Variants in SEMA3E observed in about 807,000 individuals in gnomAD.
The protein encoded by SEMA3E is semaphorin-3E.
In SEMA3E, 49 loss-of-function variants were observed where a neutral mutation model predicts 93.6. That is an observed-to-expected ratio of 0.52 (90% CI 0.42 to 0.66). The LOEUF is 0.66. SEMA3E is among the 30% of genes least tolerant of loss of function. The pLI is 0.00. For synonymous variants in SEMA3E, 363 were observed against 330.7 expected, an observed-to-expected ratio of 1.10 and a Z score of -1.06; for missense variants, 906 against 964.8, an observed-to-expected ratio of 0.94 and a Z score of 0.81.
intron 2 of SEMA3E, among the ~76,000 whole-genome samples, chr7:83,487,682 CGTGTGTGTGT>C (rs71074667): frequency 4.1e-4 from 59 of 144,418 alleles, no homozygotes; most frequent in African/African-American, 1.4e-3. Context: ...GGCAGGAGGT[CGTGTGTGTGT>C]GTGTGTGTGT....
At chr7:83,481,395 G>GT (rs996955980) in intron 2 of SEMA3E, among the ~76,000 whole-genome samples, 123 of 151,658 alleles carry the variant, frequency 8.1e-4, no homozygotes, top group Non-Finnish European at 1.5e-3. Flanking sequence ...ACAAAAACAC[G>GT]TTTTTTTTCA....
intron 1 of SEMA3E, among the ~76,000 whole-genome samples, chr7:83,580,051 A>G (rs1792488078): frequency 6.6e-6 from 1 of 152,062 alleles, no homozygotes; most frequent in African/African-American, 2.4e-5. Flanking sequence ...TTATGTGTCA[A>G]TTCCATTAGA....
intron 11 of SEMA3E, among the ~76,000 whole-genome samples, chr7:83,398,029 A>C (rs7777731): frequency 1.4e-4 from 22 of 152,144 alleles, no homozygotes; most frequent in Non-Finnish European, 1.5e-5. Flanking sequence ...TATTGTATTA[A>C]AGCCGGTGTC....
chr7:83,404,392 A>T (rs997623883), intron 9 of SEMA3E, among the ~76,000 whole-genome samples: 2 of 151,958 alleles, frequency 1.3e-5, no homozygotes, highest in African/African-American at 4.8e-5. Context: ...ATACATAATT[A>T]TATGACAGTT....
At chr7:83,370,535 A>T (rs1562748301) in intron 16 of SEMA3E, among the ~76,000 whole-genome samples, 1 of 151,560 alleles carries the variant, frequency 6.6e-6, no homozygotes, top group Admixed American at 6.6e-5. Context: ...CTCATGACAA[A>T]CTCTCCAAAT....
chr7:83,432,514 T>C (rs2115750127), intron 4 of SEMA3E, among the ~76,000 whole-genome samples: 1 of 152,276 alleles, frequency 6.6e-6, no homozygotes, highest in East Asian at 1.9e-4. Context: ...GCAATAACTG[T>C]CAAAGGTCTT....
chr7:83,629,878 G>T (rs1261805962), intron 1 of SEMA3E, among the ~76,000 whole-genome samples: 1 of 152,144 alleles, frequency 6.6e-6, no homozygotes, highest in East Asian at 1.9e-4. Flanking sequence ...TGCCCACACA[G>T]CCACCCAGCT....
At chr7:83,610,511 A>G (rs1312608151) in intron 1 of SEMA3E, among the ~76,000 whole-genome samples, 1 of 152,094 alleles carries the variant, frequency 6.6e-6, no homozygotes, top group East Asian at 1.9e-4. Context: ...ATTAATCTAA[A>G]TGCTGCTCTG....
At chr7:83,426,293 T>G (rs979683852) in intron 4 of SEMA3E, among the ~76,000 whole-genome samples, 1 of 152,114 alleles carries the variant, frequency 6.6e-6, no homozygotes, top group Non-Finnish European at 1.5e-5. Flanking sequence ...CATTGCAGCA[T>G]TATTCACCAT....
intron 4 of SEMA3E, among the ~76,000 whole-genome samples, chr7:83,448,690 A>G (rs542339171): frequency 6.6e-6 from 1 of 152,344 alleles, no homozygotes; most frequent in East Asian, 1.9e-4. Flanking sequence ...TGAAAACCGA[A>G]TCTGATAACA....
At chr7:83,523,231 T>C (rs896958616) in intron 1 of SEMA3E, among the ~76,000 whole-genome samples, 2 of 152,094 alleles carry the variant, frequency 1.3e-5, no homozygotes, top group African/African-American at 4.8e-5. Context: ...GAGGTTTGCC[T>C]TCCATCTTCC....
At chr7:83,379,031 C>T (rs1200656509) in intron 16 of SEMA3E, among the ~76,000 whole-genome samples, 4 of 151,490 alleles carry the variant, frequency 2.6e-5, no homozygotes, top group Admixed American at 6.6e-5. Context: ...ATAAAGAAAA[C>T]GTGGCATATA....
chr7:83,626,907 C>T (rs1238048331), intron 1 of SEMA3E, among the ~76,000 whole-genome samples: 1 of 152,126 alleles, frequency 6.6e-6, no homozygotes, highest in Admixed American at 6.6e-5. Context: ...TAAGTTTTGT[C>T]TTTCTTCTCA....
intron 1 of SEMA3E, among the ~76,000 whole-genome samples, chr7:83,510,103 C>A (rs1790786319): frequency 6.6e-6 from 1 of 152,118 alleles, no homozygotes; most frequent in Admixed American, 6.6e-5. Context: ...TCCTCACATT[C>A]TTGAGTATTA....
intron 1 of SEMA3E, among the ~76,000 whole-genome samples, chr7:83,523,573 C>G (rs1244768089): frequency 1.3e-5 from 2 of 152,196 alleles, no homozygotes; most frequent in Middle Eastern, 3.4e-3. Context: ...ATGTGCTTCT[C>G]TTAGCCATTC....
At chr7:83,514,922 T>C (rs188528092) in intron 1 of SEMA3E, among the ~76,000 whole-genome samples, 26 of 152,296 alleles carry the variant, frequency 1.7e-4, no homozygotes, top group Non-Finnish European at 2.8e-4. Flanking sequence ...TTATATATTT[T>C]AGCTACCTAC....
intron 2 of SEMA3E, among the ~76,000 whole-genome samples, chr7:83,478,027 T>C (rs1183278273): frequency 6.6e-6 from 1 of 152,058 alleles, no homozygotes; most frequent in Non-Finnish European, 1.5e-5. Context: ...TTCAAGTGAT[T>C]CTCCTGCCTC....
chr7:83,396,846 A>C (rs2709923), intron 11 of SEMA3E, 117 bp from the exon 12 acceptor site: 1 of 685,346 alleles, frequency 1.5e-6, no homozygotes, highest in East Asian at 2.8e-5. Flanking sequence ...TGGGAGGCCA[A>C]GATGGGTGTA....
intron 12 of SEMA3E, among the ~76,000 whole-genome samples, chr7:83,396,409 T>C (rs2115599658): frequency 6.6e-6 from 1 of 152,298 alleles, no homozygotes; most frequent in East Asian, 1.9e-4. Context: ...ATAGTCACAG[T>C]TTATTCACTG....
Sources: allele counts gnomAD v4.1 joint callset (sites outside exome capture counted in the v4.1 genomes callset), GRCh38; gene constraint gnomAD v4.1.1; transcripts MANE v1.5; gene names NCBI Gene and HGNC (gene_info 2026-07-23, HGNC 2026-07-21).